The following MAP3K8 variants were observed in gnomAD, a reference collection of about 807,000 sequenced individuals.
MAP3K8 encodes Ewing sarcoma transformant.
A neutral mutation model predicts 45.8 loss-of-function variants in MAP3K8; 22 were observed. The ratio of observed to expected loss-of-function variants is 0.48; its 90% CI spans 0.34 to 0.69. The LOEUF (loss-of-function observed/expected upper bound fraction) is 0.69, where lower values mean the gene tolerates loss of function less well. MAP3K8 is among the 30% of genes least tolerant of loss of function. The pLI is 0.01. For synonymous variants in MAP3K8, 223 were observed against 214.3 expected (o/e 1.04, Z -0.36); for missense variants, 419 against 585.0 (o/e 0.72, Z 2.93).
rs760131672 is a variant in MAP3K8, at chr10:30,451,619, A to G, written c.767-19A>G. On this transcript the variant is annotated intron_variant, in intron 5 of 8. Transcript: ENST00000263056. ...GTATATAAAAAATTTTATCTTAAAA[A>G]TATTTCCTCTCATTTTAGCTAGCAA... The G allele has an allele frequency of 4.2e-6, 6 of 1,424,594 alleles. No homozygotes were observed. Among genetic ancestry groups the G allele is most frequent in the African/African-American group, 2.8e-5 (2 of 70,518 alleles). 88.2% of individuals were successfully genotyped at this position (1,424,594 alleles called of 1,614,324 possible).
intron 3 of MAP3K8, among the ~76,000 whole-genome samples, chr10:30,441,465 T>A (rs1295227475): frequency 1.3e-5 from 2 of 152,050 alleles, no homozygotes; most frequent in Non-Finnish European, 2.9e-5. Context: ...CCAGGAAAAA[T>A]TTTAAGAATA....
chr10:30,450,927 C>CA lies in MAP3K8; in HGVS notation c.766+424dup, dbSNP rs1390384535. On this transcript the variant is annotated intron_variant, in intron 5 of 8. Coordinates refer to ENST00000263056, the MANE Select transcript of MAP3K8 (RefSeq NM_005204.4). Reference sequence around the variant, plus strand: ...TGAAACCCCGTCTCTACTAAAAATACAAAAAAAAAAAAAAAATAGCTGGGC... The same window carrying CA: ...TGAAACCCCGTCTCTACTAAAAATACAAAAAAAAAAAAAAAAATAGCTGGGC... Among the ~76,000 whole-genome samples, 899 of 101,868 alleles carry CA rather than the reference C, an allele frequency of 8.8e-3. 6 individuals are homozygous for CA. Among genetic ancestry groups the CA allele is most frequent in the African/African-American group, 0.025 (691 of 27,794 alleles). The allele number at this position is 101,868 out of a possible 152,430, so 66.8% of individuals were successfully genotyped here.
intron 3 of MAP3K8, among the ~76,000 whole-genome samples, chr10:30,446,747 C>T: frequency 6.6e-6 from 1 of 152,154 alleles, no homozygotes; most frequent in Middle Eastern, 3.4e-3. Context: ...ATTTTCTCTT[C>T]TAATTTTTTC....
intron 6 of MAP3K8, among the ~76,000 whole-genome samples, chr10:30,456,511 T>G (rs1836732577): frequency 6.6e-6 from 1 of 152,096 alleles, no homozygotes; most frequent in Admixed American, 6.6e-5. Flanking sequence ...CTCTAATTAC[T>G]TACCCTGAAA....
At chr10:30,434,670 G>A (rs1835856039) in intron 1 of MAP3K8, 2 of 985,308 alleles carry the variant, frequency 2.0e-6, no homozygotes, top group South Asian at 9.4e-5. Flanking sequence ...CAGTGCGCGG[G>A]GAAGCGGGGA....
At position 30,439,131 on chromosome 10, in the gene MAP3K8, C is replaced by G. The variant is rs773924433; in HGVS notation, c.193C>G (p.Leu65Val). ...QNDERSKSLL[L>V]SGQEVPWLSS... ...CGATGAGCGTTCTAAGTCTCTGCTG[C>G]TTAGTGGCCAAGAGGTACCATGGTT... Residue 65 changes from leucine (L) to valine (V), a missense_variant, in exon 3 of 9, where the codon CTT (leucine) becomes GTT (valine). This residue lies in a region of MAP3K8 where 102 missense variants were observed against 93.5 expected (regional missense o/e 1.09). Coordinates refer to ENST00000263056, the MANE Select transcript of MAP3K8 (RefSeq NM_005204.4). 3.1e-6 allele frequency: 5 copies of G among 1,614,064 alleles called. No homozygotes were observed. Among genetic ancestry groups the G allele is most frequent in the Non-Finnish European group, 4.2e-6 (5 of 1,180,036 alleles).
intron 3 of MAP3K8, among the ~76,000 whole-genome samples, chr10:30,440,530 G>C (rs992742447): frequency 4.6e-5 from 7 of 152,176 alleles, no homozygotes; most frequent in Admixed American, 6.5e-5. Context: ...TCACAATGGA[G>C]CAAGATAATA....
rs1403599116 is a variant in MAP3K8, at chr10:30,437,356, T to C, written c.-74T>C. On this transcript the variant is annotated 5_prime_UTR_variant, in exon 2 of 9. It removes the in-frame stop codon of an upstream open reading frame in the 5' UTR. Coordinates refer to ENST00000263056, the MANE Select transcript of MAP3K8 (RefSeq NM_005204.4). Reference sequence around the variant, plus strand: ...ATTTACCATGCCCCTGACACTGCACTGAGCACTTTATGAGCTTGAACTCTG... The same window carrying C: ...ATTTACCATGCCCCTGACACTGCACCGAGCACTTTATGAGCTTGAACTCTG... The C allele has an allele frequency of 1.0e-6, 1 of 968,752 alleles. No homozygotes were observed. Among genetic ancestry groups the C allele is most frequent in the Non-Finnish European group, 1.2e-6 (1 of 814,598 alleles). The allele number at this position is 968,752 out of a possible 1,614,324, so 60.0% of individuals were successfully genotyped here. A position where few individuals can be genotyped will look rare whatever the true frequency, so the allele number is the denominator to read the frequency against.
rs140123579 is a variant in MAP3K8 at position 30,439,752 on chromosome 10, T to G, written c.336+478T>G. Among the ~76,000 whole-genome samples, 6 of 151,640 alleles carry G rather than the reference T, an allele frequency of 4.0e-5. No individual in the cohort carries two copies. In the East Asian group the frequency reaches 1.2e-3, roughly 30 times the overall value. Reference sequence around the variant, plus strand: ...TGAACCTGGGAGGTGGAGGTTGTGATGAGCCGAGATCACACCACTGCACTC... The same window carrying G: ...TGAACCTGGGAGGTGGAGGTTGTGAGGAGCCGAGATCACACCACTGCACTC... On this transcript the variant is annotated intron_variant, in intron 3 of 8. Coordinates refer to ENST00000263056, the MANE Select transcript of MAP3K8 (RefSeq NM_005204.4).
chr10:30,457,000 C>T (rs1291529107), intron 6 of MAP3K8, among the ~76,000 whole-genome samples: 1 of 151,986 alleles, frequency 6.6e-6, no homozygotes, highest in East Asian at 1.9e-4. Flanking sequence ...AGGAGAATAG[C>T]TTGAACCCGG....
At chr10:30,444,281 T>C (rs1836230327) in intron 3 of MAP3K8, among the ~76,000 whole-genome samples, 1 of 151,106 alleles carries the variant, frequency 6.6e-6, no homozygotes, top group East Asian at 2.0e-4. Flanking sequence ...CTGACCAACA[T>C]GGAGAAACCC....
At chr10:30,454,000 AAAG>A (rs1836647719) in intron 6 of MAP3K8, among the ~76,000 whole-genome samples, 1 of 151,416 alleles carries the variant, frequency 6.6e-6, no homozygotes, top group East Asian at 1.9e-4. Context: ...GGAAAGAAAG[AAAG>A]AAAGCATGCA....
intron 1 of MAP3K8, among the ~76,000 whole-genome samples, chr10:30,435,862 G>A (rs1835895397): frequency 6.6e-6 from 1 of 152,212 alleles, no homozygotes; most frequent in African/African-American, 2.4e-5. Flanking sequence ...TATTTTAAAT[G>A]AGAAATAACA....
chr10:30,461,565 G>A lies in MAP3K8; in HGVS notation c.*729G>A, dbSNP rs1185939068. 1 of 190,846 alleles carries A rather than the reference G, an allele frequency of 5.2e-6. No homozygotes were observed. The highest frequency in any genetic ancestry group is 1.1e-5 in the Non-Finnish European group (1 of 90,962). The allele number at this position is 190,846 out of a possible 1,614,324, so 11.8% of individuals were successfully genotyped here. On this transcript the variant is annotated 3_prime_UTR_variant, in exon 9 of 9. Transcript: ENST00000263056. ...CAAAGGATGAGAATGTGACCTTTAA[G>A]AAAAATGAAAACTTTTGTAAATTAT...
chr10:30,438,764 A>G (rs1835994843), intron 2 of MAP3K8, 152 bp from the exon 3 acceptor site: 5 of 567,882 alleles, frequency 8.8e-6, no homozygotes, highest in Non-Finnish European at 1.6e-5. Context: ...TGCACTGTCA[A>G]CTTGAATTCA....
At chr10:30,448,414 T>TTTTTTATTATTATTATTA (rs34801475) in intron 4 of MAP3K8, among the ~76,000 whole-genome samples, 3,448 of 136,406 alleles carry the variant, frequency 0.025, 60 homozygotes, top group East Asian at 0.056. Flanking sequence ...CTATCCCAAA[T>TTTTTTATTATTATTATTA]TTATTATTAT....
At chr10:30,459,718 T>C (rs111940385) in intron 8 of MAP3K8, among the ~76,000 whole-genome samples, 3 of 152,152 alleles carry the variant, frequency 2.0e-5, no homozygotes, top group African/African-American at 7.2e-5. Context: ...TCAGTGCAAG[T>C]GTAGGTAGCA....
At chr10:30,458,268 C>CGGGGGGGGGGGGCGGGG in intron 7 of MAP3K8, 32 bp downstream of exon 7, 1 of 439,436 alleles carries the variant, frequency 2.3e-6, no homozygotes. Context: ...CTGGGGGCGG[C>CGGGGGGGGGGGGCGGGG]GGGGGGGGGC....
intron 4 of MAP3K8, among the ~76,000 whole-genome samples, chr10:30,448,414 T>TTTTTTATTA (rs34801475): frequency 0.37 from 50,370 of 136,010 alleles, 9,731 homozygotes; most frequent in Non-Finnish European, 0.44. Context: ...CTATCCCAAA[T>TTTTTTATTA]TTATTATTAT....
Sources: allele counts gnomAD v4.1 joint callset (sites outside exome capture counted in the v4.1 genomes callset), GRCh38; gene constraint gnomAD v4.1.1; regional missense constraint gnomAD v4.1.1; transcripts MANE v1.5; gene names NCBI Gene and HGNC (gene_info 2026-07-23, HGNC 2026-07-21).